The following AGBL4 variants were observed in gnomAD, a reference collection of about 807,000 sequenced individuals.
AGBL4 encodes the protein cytosolic carboxypeptidase 6.
A neutral mutation model predicts 66.4 loss-of-function variants in AGBL4; 58 were observed. The ratio of observed to expected loss-of-function variants is 0.87; its 90% CI spans 0.71 to 1.09. The LOEUF is 1.09. Among genes scored for constraint, AGBL4 ranks in the 50% least tolerant of loss-of-function variants. AGBL4 has a pLI of 0.00. For synonymous variants in AGBL4, 234 were observed against 222.9 expected (o/e 1.05, Z -0.44); for missense variants, 579 against 631.0 (o/e 0.92, Z 0.88).
chr1:48,552,305 G>T (rs540605407), intron 11 of AGBL4, among the ~76,000 whole-genome samples: 2 of 151,974 alleles, frequency 1.3e-5, no homozygotes, highest in Non-Finnish European at 2.9e-5. Flanking sequence ...CTTATGATCC[G>T]CCTGCCTCAG....
At chr1:49,603,068 T>C (rs554081919) in intron 3 of AGBL4, among the ~76,000 whole-genome samples, 21 of 152,188 alleles carry the variant, frequency 1.4e-4, no homozygotes, top group African/African-American at 4.8e-4. Context: ...GAAGATTATA[T>C]AGCCAGTCAG....
At chr1:49,111,205 C>T (rs747660727) in intron 4 of AGBL4, among the ~76,000 whole-genome samples, 22 of 151,864 alleles carry the variant, frequency 1.4e-4, no homozygotes, top group Non-Finnish European at 2.6e-4. Context: ...GTTTCGCCTC[C>T]CAGGTTCACG....
intron 6 of AGBL4, among the ~76,000 whole-genome samples, chr1:48,699,973 A>G (rs1646776619): frequency 6.6e-6 from 1 of 151,646 alleles, no homozygotes; most frequent in Non-Finnish European, 1.5e-5. Context: ...GAGTCTCACT[A>G]CGTTGCTCAG....
chr1:48,743,449 G>T (rs774789896), intron 6 of AGBL4, among the ~76,000 whole-genome samples: 3 of 152,168 alleles, frequency 2.0e-5, no homozygotes, highest in Non-Finnish European at 4.4e-5. Context: ...TTTAAAAATG[G>T]ACTGTTTTAT....
At chr1:48,763,649 T>A (rs980839051) in intron 6 of AGBL4, among the ~76,000 whole-genome samples, 5 of 152,184 alleles carry the variant, frequency 3.3e-5, no homozygotes, top group African/African-American at 1.2e-4. Context: ...AATGACAAGC[T>A]ATGCTATGCC....
chr1:48,956,036 G>T (rs1368033534), intron 5 of AGBL4, among the ~76,000 whole-genome samples: 1 of 152,130 alleles, frequency 6.6e-6, no homozygotes, highest in Non-Finnish European at 1.5e-5. Context: ...GCTGCAATAG[G>T]GAGCAAAAAA....
At chr1:49,142,899 AG>A (rs1466948662) in intron 4 of AGBL4, among the ~76,000 whole-genome samples, 2 of 152,190 alleles carry the variant, frequency 1.3e-5, no homozygotes, top group Non-Finnish European at 2.9e-5. Flanking sequence ...CCCATTTTAT[AG>A]GTGAAGGAAC....
chr1:49,131,849 G>A (rs1645904432), intron 4 of AGBL4, among the ~76,000 whole-genome samples: 1 of 152,056 alleles, frequency 6.6e-6, no homozygotes, highest in Admixed American at 6.6e-5. Flanking sequence ...AGGAGCATCA[G>A]ATTATGGGGG....
At chr1:49,712,277 C>T (rs916456087) in intron 2 of AGBL4, among the ~76,000 whole-genome samples, 2 of 151,714 alleles carry the variant, frequency 1.3e-5, no homozygotes, top group Non-Finnish European at 2.9e-5. Context: ...TTGAATAATA[C>T]CCCATAATTT....
intron 5 of AGBL4, among the ~76,000 whole-genome samples, chr1:49,017,619 C>G (rs1662916926): frequency 6.6e-6 from 1 of 152,158 alleles, no homozygotes; most frequent in Non-Finnish European, 1.5e-5. Context: ...GTCATCCACT[C>G]TATTCCCACC....
At chr1:49,336,193 C>A (rs140670381) in intron 3 of AGBL4, among the ~76,000 whole-genome samples, 1 of 152,064 alleles carries the variant, frequency 6.6e-6, no homozygotes, top group East Asian at 1.9e-4. Context: ...ACTTTGATCT[C>A]AGGCAAGAGA....
At chr1:49,317,248 T>C (rs920556781) in intron 3 of AGBL4, among the ~76,000 whole-genome samples, 16 of 151,938 alleles carry the variant, frequency 1.1e-4, no homozygotes, top group Non-Finnish European at 1.2e-4. Flanking sequence ...TAAGAAAAAG[T>C]ATAATGTAGT....
intron 2 of AGBL4, among the ~76,000 whole-genome samples, chr1:49,707,744 C>G (rs1297293285): frequency 2.0e-5 from 3 of 152,020 alleles, no homozygotes; most frequent in Non-Finnish European, 4.4e-5. Flanking sequence ...GTATGGCAGG[C>G]CTGGTGGTGA....
At chr1:49,896,476 C>T (rs892026677) in intron 1 of AGBL4, among the ~76,000 whole-genome samples, 1 of 151,360 alleles carries the variant, frequency 6.6e-6, no homozygotes, top group African/African-American at 2.4e-5. Context: ...ATGAATTTTA[C>T]CAAATATTTA....
chr1:49,592,049 C>T (rs1376608133), intron 3 of AGBL4, among the ~76,000 whole-genome samples: 4 of 152,124 alleles, frequency 2.6e-5, no homozygotes, highest in Admixed American at 6.5e-5. Flanking sequence ...ATGATGAAGA[C>T]TCCAAAAGCA....
chr1:48,616,724 G>A (rs1304216420), intron 9 of AGBL4, among the ~76,000 whole-genome samples: 1 of 152,208 alleles, frequency 6.6e-6, no homozygotes, highest in Non-Finnish European at 1.5e-5. Context: ...CCAGAGATGG[G>A]AGTAGAACCC....
At chr1:49,237,052 G>A (rs904863853) in intron 4 of AGBL4, among the ~76,000 whole-genome samples, 8 of 150,960 alleles carry the variant, frequency 5.3e-5, no homozygotes, top group African/African-American at 1.5e-4. Flanking sequence ...TTAGGAGATC[G>A]AGACCATCCT....
intron 8 of AGBL4, among the ~76,000 whole-genome samples, chr1:48,638,966 C>T (rs1645712624): frequency 6.6e-6 from 1 of 152,262 alleles, no homozygotes; most frequent in Non-Finnish European, 1.5e-5. Flanking sequence ...ATAACAAGTA[C>T]TCTAAAGGGC....
intron 1 of AGBL4, among the ~76,000 whole-genome samples, chr1:49,965,321 T>C (rs1657465585): frequency 6.6e-6 from 1 of 152,158 alleles, no homozygotes; most frequent in East Asian, 1.9e-4. Flanking sequence ...TCTGGTCTTC[T>C]TCATTAAAAA....
Sources: gnomAD v4.1 joint callset for allele counts (sites outside exome capture counted in the v4.1 genomes callset) on GRCh38, gnomAD v4.1.1 for gene constraint, MANE v1.5 for transcripts, NCBI Gene and HGNC (gene_info 2026-07-23, HGNC 2026-07-21) for gene names.